The following DCLK1 variants were observed in gnomAD, a reference collection of about 807,000 sequenced individuals.
The protein encoded by DCLK1 is serine/threonine-protein kinase DCLK1.
Under a neutral mutation model 86.2 loss-of-function variants are expected in DCLK1, and 16 were observed. The ratio of observed to expected loss-of-function variants is 0.19; its 90% CI spans 0.13 to 0.28. The LOEUF (loss-of-function observed/expected upper bound fraction) is 0.28. Ranked by LOEUF, DCLK1 falls within the 10% of genes least tolerant of loss-of-function variation. The pLI is 1.00. For missense variants in DCLK1, 590 were observed against 940.2 expected (o/e 0.63, Z 4.87); for synonymous variants, 369 against 370.5 (o/e 1.00, Z 0.05).
At chr13:36,105,335 TAAGTGTCA>T (rs1885353914) in intron 3 of DCLK1, among the ~76,000 whole-genome samples, 2 of 152,234 alleles carry the variant, frequency 1.3e-5, no homozygotes, top group Admixed American at 6.5e-5. Flanking sequence ...AAAAATTTGT[TAAGTGTCA>T]GCTTTTCCAT....
At chr13:35,909,864 C>T (rs1435730434) in intron 4 of DCLK1, among the ~76,000 whole-genome samples, 1 of 151,902 alleles carries the variant, frequency 6.6e-6, no homozygotes, top group Non-Finnish European at 1.5e-5. Flanking sequence ...AAAAATCTCC[C>T]CTGGGCATGA....
chr13:35,788,541 C>T (rs2086659432), intron 16 of DCLK1, among the ~76,000 whole-genome samples: 1 of 152,204 alleles, frequency 6.6e-6, no homozygotes, highest in South Asian at 2.1e-4. Flanking sequence ...CCATTTTAAT[C>T]ATGTCCTCTC....
chr13:35,874,676 C>T (rs1445525886), intron 4 of DCLK1, among the ~76,000 whole-genome samples: 1 of 152,076 alleles, frequency 6.6e-6, no homozygotes, highest in Non-Finnish European at 1.5e-5. Context: ...ATAGGAGTAA[C>T]CAAGAAACAA....
intron 3 of DCLK1, among the ~76,000 whole-genome samples, chr13:35,968,030 A>T (rs1878870465): frequency 6.6e-6 from 1 of 151,940 alleles, no homozygotes; most frequent in Non-Finnish European, 1.5e-5. Flanking sequence ...AAAAATAAAT[A>T]AAGTAAAAAT....
intron 5 of DCLK1, among the ~76,000 whole-genome samples, chr13:35,865,180 T>C (rs886274229): frequency 2.0e-5 from 3 of 152,076 alleles, no homozygotes; most frequent in Non-Finnish European, 1.5e-5. Context: ...ATAAAAAAAA[T>C]TGCTTAAAAG....
intron 3 of DCLK1, among the ~76,000 whole-genome samples, chr13:36,110,203 G>C (rs928268290): frequency 6.6e-6 from 1 of 152,054 alleles, no homozygotes; most frequent in African/African-American, 2.4e-5. Flanking sequence ...ATTAGAAATG[G>C]AGCCAGTGAA....
At chr13:35,929,416 A>G (rs1226419392) in intron 4 of DCLK1, among the ~76,000 whole-genome samples, 1 of 152,216 alleles carries the variant, frequency 6.6e-6, no homozygotes, top group Admixed American at 6.5e-5. Context: ...CTCGGTTCTC[A>G]ATAGTTGGGC....
intron 4 of DCLK1, among the ~76,000 whole-genome samples, chr13:35,872,873 G>T (rs1872369208): frequency 6.6e-6 from 1 of 151,802 alleles, no homozygotes; most frequent in Non-Finnish European, 1.5e-5. Context: ...TATAAAAATG[G>T]CAAGATAGCG....
intron 3 of DCLK1, among the ~76,000 whole-genome samples, chr13:35,948,622 G>A (rs1229536818): frequency 6.6e-6 from 1 of 152,202 alleles, no homozygotes; most frequent in Admixed American, 6.5e-5. Flanking sequence ...CAAATGCAAT[G>A]ATGTGTGGGC....
intron 3 of DCLK1, among the ~76,000 whole-genome samples, chr13:35,978,618 C>G (rs1298469382): frequency 2.6e-5 from 4 of 152,062 alleles, no homozygotes; most frequent in Non-Finnish European, 5.9e-5. Flanking sequence ...AGAAATCATA[C>G]ACAGCAGAAT....
At chr13:36,126,224 T>C (rs1886183887) in intron 1 of DCLK1, 68 bp from the exon 2 acceptor site, 3 of 1,273,328 alleles carry the variant, frequency 2.4e-6, no homozygotes, top group Non-Finnish European at 3.0e-6. Flanking sequence ...TATATTTTTT[T>C]GTTTTTGTTT....
intron 3 of DCLK1, among the ~76,000 whole-genome samples, chr13:36,111,115 T>C (rs911687764): frequency 3.3e-5 from 5 of 152,080 alleles, no homozygotes; most frequent in Non-Finnish European, 7.3e-5. Context: ...ATTACAGGCG[T>C]GAGCCACCGT....
rs1301089146 is a variant in DCLK1, at chr13:35,774,367, T to A, written c.*168A>T. On this transcript the variant is annotated 3_prime_UTR_variant, in exon 17 of 17. Coordinates refer to ENST00000360631, the MANE Select transcript of DCLK1 (RefSeq NM_001330071.2). Reference sequence around the variant, plus strand: ...TCTTCACAATCACCACGTGTCATCTTATTCAGTAAAGGGAAACCGCTACAA... The same window carrying A: ...TCTTCACAATCACCACGTGTCATCTAATTCAGTAAAGGGAAACCGCTACAA... The A allele has an allele frequency of 1.2e-6, 1 of 851,162 alleles. No individual in the cohort carries two copies. Among genetic ancestry groups the A allele is most frequent in the South Asian group, 2.0e-5 (1 of 50,756 alleles). 52.7% of individuals were successfully genotyped at this position (851,162 alleles called of 1,614,324 possible). A position where few individuals can be genotyped will look rare whatever the true frequency, so the allele number is the denominator to read the frequency against.
rs116925640 is a variant in DCLK1, at chr13:35,968,649, C to G, written c.724-21192G>C. On this transcript the variant is annotated intron_variant, in intron 3 of 16. Coordinates refer to ENST00000360631, the MANE Select transcript of DCLK1 (RefSeq NM_001330071.2). ...TTCTCTGAAATTCAATTACAAGGGGCAGCTGCAATTATTCTCTCACAAAGG... is the reference window on the plus strand; with the variant it reads ...TTCTCTGAAATTCAATTACAAGGGGGAGCTGCAATTATTCTCTCACAAAGG... 6.2e-4 allele frequency among the ~76,000 whole-genome samples: 94 copies of G among 152,236 alleles called. 1 individual carries two copies. The East Asian group carries it at 0.018, about 28-fold the overall frequency.
At chr13:35,798,084 T>C (rs1006990466) in intron 15 of DCLK1, among the ~76,000 whole-genome samples, 2 of 152,128 alleles carry the variant, frequency 1.3e-5, no homozygotes, top group Non-Finnish European at 2.9e-5. Context: ...GAAATTCCCA[T>C]CCACCACTTG....
At chr13:36,115,400 G>A (rs1885749533) in intron 2 of DCLK1, among the ~76,000 whole-genome samples, 2 of 152,248 alleles carry the variant, frequency 1.3e-5, no homozygotes, top group African/African-American at 4.8e-5. Flanking sequence ...TGCTTTGGAA[G>A]CTTTGCATTA....
chr13:35,869,142 T>A (rs758998044), intron 5 of DCLK1: 9 of 510,560 alleles, frequency 1.8e-5, no homozygotes, highest in Middle Eastern at 3.2e-4. Context: ...TAGTTAAGAC[T>A]GAACATCCTC....
intron 11 of DCLK1, among the ~76,000 whole-genome samples, chr13:35,812,711 C>T (rs1253374119): frequency 6.6e-6 from 1 of 152,224 alleles, no homozygotes; most frequent in East Asian, 1.9e-4. Context: ...TTTCTCCACA[C>T]TCATAGCATG....
chr13:35,987,820 A>G (rs1296475757), intron 3 of DCLK1, among the ~76,000 whole-genome samples: 1 of 152,158 alleles, frequency 6.6e-6, no homozygotes, highest in Admixed American at 6.5e-5. Context: ...TGTGCTCCAG[A>G]GGCCAGAAGC....
Sources: allele counts gnomAD v4.1 joint callset (sites outside exome capture counted in the v4.1 genomes callset), GRCh38; gene constraint gnomAD v4.1.1; transcripts MANE v1.5; gene names NCBI Gene and HGNC (gene_info 2026-07-23, HGNC 2026-07-21).